Variants in FANCI observed in about 807,000 individuals in gnomAD.
The protein encoded by FANCI is Fanconi anemia group I protein.
Under a neutral mutation model 176.1 loss-of-function variants are expected in FANCI, and 156 were observed. The observed-to-expected ratio is 0.89, with a 90% CI of 0.78 to 1.01. The LOEUF is 1.01. Ranked by LOEUF, FANCI falls within the 50% of genes least tolerant of loss-of-function variation. The probability of loss-of-function intolerance (pLI) is 0.00; values close to 1 mark genes in which losing one functional copy is unlikely to be tolerated. For synonymous variants in FANCI, 613 were observed against 541.7 expected (o/e 1.13, Z -1.83); for missense variants, 1,678 against 1,534.1 (o/e 1.09, Z -1.57).
intron 24 of FANCI, among the ~76,000 whole-genome samples, chr15:89,299,494 AG>A (rs2054447357): frequency 6.6e-6 from 1 of 152,208 alleles, no homozygotes; most frequent in Non-Finnish European, 1.5e-5. Flanking sequence ...GCTGTGTTAA[AG>A]GCAGACTCAG....
intron 2 of FANCI, among the ~76,000 whole-genome samples, chr15:89,257,127 T>G (rs189045277): frequency 6.6e-6 from 1 of 152,106 alleles, no homozygotes; most frequent in Non-Finnish European, 1.5e-5. Flanking sequence ...AGGATGGTCT[T>G]GATCTCCTGA....
At chr15:89,291,790 TC>T in intron 20 of FANCI, 76 bp downstream of exon 20, 2 of 1,139,890 alleles carry the variant, frequency 1.8e-6, no homozygotes, top group Non-Finnish European at 2.7e-6. Context: ...GAGATACCTT[TC>T]CCTGTGAAAC....
At chr15:89,288,600 C>G (rs2053921106) in intron 18 of FANCI, among the ~76,000 whole-genome samples, 1 of 149,608 alleles carries the variant, frequency 6.7e-6, no homozygotes, top group African/African-American at 2.5e-5. Flanking sequence ...GATTTTCTTC[C>G]TCTGAGATGT....
rs1196781975 is a variant in FANCI, at chr15:89,316,192, G to T, written c.3925-205G>T. ...CAGTATAGCAAAAGTCCTAAAAGGA[G>T]GTGCCACTGTCTTATTACTCTACAC... On this transcript the variant is annotated intron_variant, in intron 37 of 37. Transcript: ENST00000310775. The T allele has an allele frequency of 8.3e-6, 5 of 603,476 alleles. No homozygotes were observed. In the Admixed American group the frequency reaches 1.5e-4, roughly 18 times the overall value. The allele number at this position is 603,476 out of a possible 1,614,324, so 37.4% of individuals were successfully genotyped here. A position where few individuals can be genotyped will look rare whatever the true frequency, so the allele number is the denominator to read the frequency against.
At chr15:89,291,152 A>T (rs574182687) in intron 19 of FANCI, among the ~76,000 whole-genome samples, 42 of 152,324 alleles carry the variant, frequency 2.8e-4, no homozygotes, top group Admixed American at 4.6e-4. Flanking sequence ...GCTGTCTTAT[A>T]TGCCAAATAC....
rs747397081 is a variant in FANCI at position 89,292,759 on chromosome 15, A to G, written c.2064A>G (p.Gly688=). 6.2e-7 allele frequency: 1 copy of G among 1,613,930 alleles called. No homozygotes were observed. Among genetic ancestry groups the G allele is most frequent in the Non-Finnish European group, 8.5e-7 (1 of 1,179,954 alleles). Residue 688 remains glycine (G), a synonymous_variant, in exon 21 of 38, where the codon GGA becomes GGG. Transcript: ENST00000310775. ...ATACAGTCATACCCTTACAGCAGGGAGAGGAGGAAGAGGAGGAGGAAGAGG... is the reference window on the plus strand; with the variant it reads ...ATACAGTCATACCCTTACAGCAGGGGGAGGAGGAAGAGGAGGAGGAAGAGG... The part of the protein sequence containing the change: ...YKNTVIPLQQ[G]EEEEEEEEAF...
intron 10 of FANCI, among the ~76,000 whole-genome samples, chr15:89,272,533 G>A (rs1398099870): frequency 6.6e-6 from 1 of 151,822 alleles, no homozygotes; most frequent in Non-Finnish European, 1.5e-5. Context: ...TATGCTTTTG[G>A]TATTGTATGT....
At chr15:89,247,865 T>G (rs2052058581) in intron 2 of FANCI, 134 bp downstream of exon 2, 8 of 711,068 alleles carry the variant, frequency 1.1e-5, no homozygotes, top group Non-Finnish European at 1.9e-5. Context: ...AGGATTTATT[T>G]AATAATAATT....
intron 24 of FANCI, 90 bp downstream of exon 24, chr15:89,295,184 G>A: frequency 7.1e-7 from 1 of 1,409,840 alleles, no homozygotes; most frequent in Non-Finnish European, 9.5e-7. Context: ...AAGGTAATTT[G>A]AGGTTGGACA....
At chr15:89,285,652 C>T (rs1401393034) in intron 18 of FANCI, among the ~76,000 whole-genome samples, 1 of 152,110 alleles carries the variant, frequency 6.6e-6, no homozygotes, top group African/African-American at 2.4e-5. Context: ...TCATAAAACA[C>T]AGTTGATAGA....
chr15:89,297,388 A>C (rs1255798701), intron 24 of FANCI, among the ~76,000 whole-genome samples: 4 of 152,134 alleles, frequency 2.6e-5, no homozygotes, highest in African/African-American at 9.6e-5. Flanking sequence ...CAATCTCGGC[A>C]CTTTGGGAGG....
intron 31 of FANCI, 86 bp downstream of exon 31, chr15:89,305,784 T>TAAATTTGGGTCG: frequency 7.2e-7 from 1 of 1,391,526 alleles, no homozygotes; most frequent in Middle Eastern, 2.0e-4. Context: ...ATGGAGCCCC[T>TAAATTTGGGTCG]GAGCTAAATT....
intron 24 of FANCI, among the ~76,000 whole-genome samples, chr15:89,298,532 C>T (rs557146261): frequency 6.6e-6 from 1 of 152,122 alleles, no homozygotes; most frequent in South Asian, 2.1e-4. Flanking sequence ...TCAGATCTCC[C>T]ATATAAACTT....
intron 14 of FANCI, 88 bp from the exon 15 acceptor site, chr15:89,281,082 A>T: frequency 7.2e-7 from 1 of 1,388,148 alleles, no homozygotes; most frequent in South Asian, 1.2e-5. Context: ...AGGAAACAAA[A>T]GACTTCACAT....
chr15:89,267,544 C>T lies in FANCI; in HGVS notation c.756-855C>T, dbSNP rs74669012. Among the ~76,000 whole-genome samples, 1,245 of 151,722 alleles carry T rather than the reference C, an allele frequency of 8.2e-3. 7 individuals are homozygous for T. Among genetic ancestry groups the T allele is most frequent in the Non-Finnish European group, 0.013 (891 of 67,902 alleles). On this transcript the variant is annotated intron_variant, in intron 9 of 37. Coordinates refer to ENST00000310775, the MANE Select transcript of FANCI (RefSeq NM_001113378.2). The stretch of plus-strand genomic sequence containing the variant: ...GGTGAGGGTAGAAAGAGGATAGAAG[C>T]CTGATTGAATTGGATTGTACTGGGA...
Position 89,305,940 on chromosome 15 carries a change from A to G in FANCI, c.3350-67A>G, listed in dbSNP as rs2054701114. 10 of 1,529,652 alleles carry G rather than the reference A, an allele frequency of 6.5e-6. No individual in the cohort carries two copies. The Middle Eastern group carries it at 6.7e-4, about 103-fold the overall frequency. 94.8% of individuals were successfully genotyped at this position (1,529,652 alleles called of 1,614,324 possible). A position where few individuals can be genotyped will look rare whatever the true frequency, so the allele number is the denominator to read the frequency against. On this transcript the variant is annotated intron_variant, in intron 31 of 37. Transcript: ENST00000310775. Reference sequence around the variant, plus strand: ...TTCTAGTTAGTAGTAATCAATTTCTAAATCTCCTTTACTCTTAATTAGAAA... The same window carrying G: ...TTCTAGTTAGTAGTAATCAATTTCTGAATCTCCTTTACTCTTAATTAGAAA...
chr15:89,277,193 A>G (rs545700722), intron 13 of FANCI, among the ~76,000 whole-genome samples: 1 of 152,300 alleles, frequency 6.6e-6, no homozygotes, highest in South Asian at 2.1e-4. Flanking sequence ...GAAGTAAACC[A>G]TTTCTAGTTT....
intron 24 of FANCI, among the ~76,000 whole-genome samples, chr15:89,299,461 T>C (rs759819580): frequency 4.6e-5 from 7 of 152,164 alleles, no homozygotes; most frequent in Non-Finnish European, 8.8e-5. Context: ...TGCATAGCAA[T>C]ATCCCTGATG....
At chr15:89,295,366 G>GAAAAAAAAAA (rs373941070) in intron 24 of FANCI, among the ~76,000 whole-genome samples, 4 of 96,304 alleles carry the variant, frequency 4.2e-5, no homozygotes, top group Admixed American at 2.2e-4. Flanking sequence ...ACTCTCAAAA[G>GAAAAAAAAAA]AAAAAAAAAA....
Sources: allele counts gnomAD v4.1 joint callset (sites outside exome capture counted in the v4.1 genomes callset), GRCh38; gene constraint gnomAD v4.1.1; transcripts MANE v1.5; gene names NCBI Gene and HGNC (gene_info 2026-07-23, HGNC 2026-07-21).